Variants in CCDC181 observed in about 807,000 individuals in gnomAD.
CCDC181 encodes the protein coiled-coil domain containing 181.
Under a neutral mutation model 58.7 loss-of-function variants are expected in CCDC181, and 35 were observed. The observed-to-expected ratio is 0.60, with a 90% CI of 0.46 to 0.79. CCDC181 has a LOEUF of 0.79. Ranked by LOEUF, CCDC181 falls within the 30% of genes least tolerant of loss-of-function variation. The pLI, the probability that CCDC181 is intolerant of heterozygous loss-of-function variation, is 0.00. For synonymous variants in CCDC181, 183 were observed against 197.5 expected (o/e 0.93, Z 0.62); for missense variants, 517 against 583.9 (o/e 0.89, Z 1.18).
chr1:169,456,080 G>A lies in CCDC181; in HGVS notation c.-24+3717C>T, dbSNP rs186727457. On this transcript the variant is annotated intron_variant, in intron 2 of 6. Coordinates refer to the CCDC181 transcript ENST00000545005. ...GAAAGTTGTCTTTAGTTTCTTAGAT[G>A]GCCATTTCAGCCTGTTTGCCTTTTG... 3.3e-5 allele frequency among the ~76,000 whole-genome samples: 5 copies of A among 152,080 alleles called. No homozygotes were observed. In the East Asian group the frequency reaches 9.7e-4, roughly 29 times the overall value.
chr1:169,431,719 C>A (rs1656924297), upstream of CCDC181, among the ~76,000 whole-genome samples: 2 of 152,158 alleles, frequency 1.3e-5, no homozygotes, highest in Non-Finnish European at 1.5e-5. Flanking sequence ...GTATTACTTG[C>A]AGGAGCAGCT....
intron 5 of CCDC181, among the ~76,000 whole-genome samples, chr1:169,395,678 A>C (rs1324995318): frequency 6.6e-6 from 1 of 152,232 alleles, no homozygotes; most frequent in African/African-American, 2.4e-5. Flanking sequence ...ATAGTTCTTA[A>C]AATGAAAAGT....
At chr1:169,421,332 C>T in intron 3 of CCDC181, 31 bp downstream of exon 3, 1 of 1,500,912 alleles carries the variant, frequency 6.7e-7, no homozygotes. Context: ...ACATACTCTA[C>T]TTTTAATATA....
intron 2 of CCDC181, among the ~76,000 whole-genome samples, chr1:169,438,939 C>T (rs1404236570): frequency 6.6e-6 from 1 of 152,192 alleles, no homozygotes; most frequent in Non-Finnish European, 1.5e-5. Flanking sequence ...CAAGAGTATC[C>T]CTTCCAAACT....
intron 4 of CCDC181, among the ~76,000 whole-genome samples, chr1:169,417,617 C>G (rs1297395248): frequency 6.6e-6 from 1 of 152,052 alleles, no homozygotes; most frequent in Non-Finnish European, 1.5e-5. Context: ...TCTCTAGCCC[C>G]TTCCCCCTTC....
intron 4 of CCDC181, among the ~76,000 whole-genome samples, chr1:169,400,239 GTAAGGACCATGCTCTAGGAC>G (rs1227388397): frequency 2.0e-5 from 3 of 152,162 alleles, no homozygotes; most frequent in Non-Finnish European, 4.4e-5. Context: ...ATGTCCTAGA[GTAAGGACCATGCTCTAGGAC>G]TAAGGACAAA....
chr1:169,438,166 G>T (rs1456691820), intron 2 of CCDC181, among the ~76,000 whole-genome samples: 3 of 151,480 alleles, frequency 2.0e-5, no homozygotes, highest in Non-Finnish European at 4.4e-5. Context: ...AAGTGTACCA[G>T]ATTTGCTACA....
chr1:169,452,234 AAG>A (rs1413910703), intron 2 of CCDC181, among the ~76,000 whole-genome samples: 2 of 152,134 alleles, frequency 1.3e-5, no homozygotes, highest in African/African-American at 4.8e-5. Flanking sequence ...GGTAAAGAAA[AAG>A]AACCAGAAAG....
At chr1:169,430,201 G>A (rs1406076093), upstream of CCDC181, among the ~76,000 whole-genome samples, 2 of 152,126 alleles carry the variant, frequency 1.3e-5, no homozygotes, top group African/African-American at 2.4e-5. Flanking sequence ...TAGCCTTGTA[G>A]TATAGTTTGA....
At chr1:169,445,381 A>G (rs1337830861) in intron 2 of CCDC181, among the ~76,000 whole-genome samples, 1 of 82,294 alleles carries the variant, frequency 1.2e-5, no homozygotes, top group Non-Finnish European at 2.6e-5. Context: ...TGCTTTTTCT[A>G]CATCATTAAA....
At chr1:169,433,198 T>C (rs983113712) in intron 2 of CCDC181, among the ~76,000 whole-genome samples, 6 of 151,374 alleles carry the variant, frequency 4.0e-5, no homozygotes, top group Non-Finnish European at 2.9e-5. Flanking sequence ...TGATGAACAG[T>C]CTAAAAGGAA....
At chr1:169,397,799 T>G (rs1655131551) in intron 4 of CCDC181, among the ~76,000 whole-genome samples, 1 of 152,154 alleles carries the variant, frequency 6.6e-6, no homozygotes, top group African/African-American at 2.4e-5. Flanking sequence ...GAGCTCTTAT[T>G]TGGAGGAATA....
chr1:169,441,294 C>T (rs573476713), intron 2 of CCDC181, among the ~76,000 whole-genome samples: 19 of 151,966 alleles, frequency 1.3e-4, no homozygotes, highest in African/African-American at 1.7e-4. Flanking sequence ...TACTTAATCA[C>T]GAAAATGGAA....
chr1:169,455,534 G>T (rs1454477303), intron 2 of CCDC181, among the ~76,000 whole-genome samples: 4 of 152,096 alleles, frequency 2.6e-5, no homozygotes, highest in Non-Finnish European at 4.4e-5. Context: ...AAATGAGGGA[G>T]CAGTTTTCTT....
chr1:169,415,993 C>T (rs1484073318), intron 4 of CCDC181, among the ~76,000 whole-genome samples: 1 of 152,204 alleles, frequency 6.6e-6, no homozygotes, highest in Non-Finnish European at 1.5e-5. Flanking sequence ...TTTGTGCATA[C>T]CTGAAACTCA....
intron 4 of CCDC181, among the ~76,000 whole-genome samples, chr1:169,409,569 A>C (rs996656846): frequency 6.6e-6 from 1 of 152,208 alleles, no homozygotes; most frequent in Non-Finnish European, 1.5e-5. Flanking sequence ...AAGAAGAACA[A>C]CACCAAGACA....
chr1:169,414,966 A>G (rs866045170), intron 4 of CCDC181, among the ~76,000 whole-genome samples: 3 of 152,228 alleles, frequency 2.0e-5, no homozygotes, highest in Non-Finnish European at 2.9e-5. Flanking sequence ...CTTGAAATGT[A>G]GCAAAAAATA....
intron 4 of CCDC181, among the ~76,000 whole-genome samples, chr1:169,408,030 C>G (rs759174030): frequency 1.3e-5 from 2 of 152,264 alleles, no homozygotes; most frequent in Middle Eastern, 3.4e-3. Context: ...AAGCTAGCTG[C>G]AGGAGTTTTT....
At chr1:169,430,920 A>G (rs1346100066), upstream of CCDC181, among the ~76,000 whole-genome samples, 1 of 152,220 alleles carries the variant, frequency 6.6e-6, no homozygotes, top group African/African-American at 2.4e-5. Context: ...GCAACCAATC[A>G]GAGGTTGAAG....
Sources: allele counts gnomAD v4.1 joint callset (sites outside exome capture counted in the v4.1 genomes callset), GRCh38; gene constraint gnomAD v4.1.1; transcripts MANE v1.5; gene names NCBI Gene and HGNC (gene_info 2026-07-23, HGNC 2026-07-21).